NRIP2: variants seen among roughly 807,000 people sequenced by gnomAD.
NRIP2 encodes nuclear receptor-interacting protein 2.
A neutral mutation model predicts 34.1 loss-of-function variants in NRIP2; 27 were observed. That is an observed-to-expected ratio of 0.79 (90% CI 0.58 to 1.09). The LOEUF is 1.09. Among genes scored for constraint, NRIP2 ranks in the 50% least tolerant of loss-of-function variants. The pLI, the probability that NRIP2 is intolerant of heterozygous loss-of-function variation, is 0.00. For missense variants in NRIP2, 385 were observed against 352.6 expected (o/e 1.09, Z -0.74); for synonymous variants, 145 against 146.9 (o/e 0.99, Z 0.09).
Position 2,834,127 on chromosome 12 carries a change from A to G in NRIP2, c.342+515T>C, listed in dbSNP as rs531188539. 1.2e-3 allele frequency among the ~76,000 whole-genome samples: 181 copies of G among 152,330 alleles called. 2 individuals carry two copies. The highest frequency in any genetic ancestry group is 0.01 in the Middle Eastern group (3 of 294). On this transcript the variant is annotated intron_variant, in intron 1 of 5. Transcript: ENST00000337508. Reference sequence around the variant, plus strand: ...CTCAGGAGTTGGGGGAGCAGCACTCAAGGCGGCCAGGGGCCCCCGGCAAGA... The same window carrying G: ...CTCAGGAGTTGGGGGAGCAGCACTCGAGGCGGCCAGGGGCCCCCGGCAAGA...
In NRIP2 at chr12:2,827,877, A is replaced by T. The variant is rs957090523; in HGVS notation, c.700+49T>A. On this transcript the variant is annotated intron_variant, in intron 4 of 5. Coordinates refer to ENST00000337508, the MANE Select transcript of NRIP2 (RefSeq NM_031474.3). This position sits in a 1 kb window ranked among gnomAD's most constrained non-coding sequence, Gnocchi z 4.0. ...AGTCTCAGCCTTTGCCCCACCCCAA[A>T]GAGAAAGGTGAGGTGAGCACCAGGG... The T allele has an allele frequency of 6.2e-7, 1 of 1,612,540 alleles. No homozygotes were observed. The highest frequency in any genetic ancestry group is 8.5e-7 in the Non-Finnish European group (1 of 1,179,876).
intron 1 of NRIP2, among the ~76,000 whole-genome samples, chr12:2,831,886 A>G (rs2098005032): frequency 6.6e-6 from 1 of 152,120 alleles, no homozygotes; most frequent in Non-Finnish European, 1.5e-5. Context: ...CATATGCCAC[A>G]GTACCTGGCC....
Position 2,830,737 on chromosome 12 carries a change from C to A in NRIP2, c.466G>T (p.Glu156Ter). The A allele has an allele frequency of 1.1e-5, 17 of 1,613,490 alleles. No homozygotes were observed. Among genetic ancestry groups the A allele is most frequent in the Non-Finnish European group, 1.4e-5 (17 of 1,179,732 alleles). The change falls in exon 2 of 6, where the codon GAG (glutamate) becomes TAG (stop). Residue 156 changes from glutamate (E) to a stop codon, truncating the protein, a stop_gained. Coordinates refer to ENST00000337508, the MANE Select transcript of NRIP2 (RefSeq NM_031474.3). LOFTEE classifies it high-confidence loss of function. ...QESRRKTSRT[E>*]IPALLVNCKC... ...CAGTTGACCAGAAGAGCTGGAATCTCTGTCCTGCTGGTCTTCCTCCTGCTC... is the reference window on the plus strand; with the variant it reads ...CAGTTGACCAGAAGAGCTGGAATCTATGTCCTGCTGGTCTTCCTCCTGCTC...
Position 2,834,954 on chromosome 12 carries a change from C to T in NRIP2, c.30G>A (p.Pro10=), listed in dbSNP as rs542894547. The part of the protein sequence containing the change: MLFIFPLSL[P]WRPSCWKESC... ...TCTCTTTCCAACAGGAGGGTCTCCA[C>T]GGGAGGGAAAGAGGAAAAATAAATA... Residue 10 remains proline, a synonymous_variant, in exon 1 of 6, where the codon CCG becomes CCA. Transcript: ENST00000337508. 43 of 1,590,386 alleles carry T rather than the reference C, an allele frequency of 2.7e-5. No homozygotes were observed. Among genetic ancestry groups the T allele is most frequent in the South Asian group, 9.0e-5 (8 of 88,456 alleles).
At chr12:2,829,046 A>C (rs1035554679) in intron 2 of NRIP2, among the ~76,000 whole-genome samples, 1 of 152,112 alleles carries the variant, frequency 6.6e-6, no homozygotes, top group African/African-American at 2.4e-5. Flanking sequence ...CAAAAAATAA[A>C]ATGGAAAAAA....
intron 1 of NRIP2, among the ~76,000 whole-genome samples, chr12:2,832,961 C>T: frequency 6.6e-6 from 1 of 151,892 alleles, no homozygotes; most frequent in East Asian, 1.9e-4. Flanking sequence ...GAGAGACTGG[C>T]TCTGCACTTC....
rs770140984 is a variant in NRIP2 at position 2,827,939 on chromosome 12, C to T, written c.687G>A (p.Ser229=). 3.8e-5 allele frequency: 62 copies of T among 1,613,982 alleles called. No individual in the cohort carries two copies. Among genetic ancestry groups the T allele is most frequent in the Admixed American group, 3.7e-4 (22 of 60,010 alleles). Residue 229 remains serine (S), a synonymous_variant, in exon 4 of 6, where the codon TCG becomes TCA. Transcript: ENST00000337508. This position sits in a 1 kb window ranked among gnomAD's most constrained non-coding sequence, Gnocchi z 4.0. Reference sequence around the variant, plus strand: ...GGGGGGACTTACCCACCACCTGTGCCGAGCACACCACAGTCTCCTGCCCCA... The same window carrying T: ...GGGGGGACTTACCCACCACCTGTGCTGAGCACACCACAGTCTCCTGCCCCA... ...LQLGQETVVC[S]AQVVDAESPE...
Position 2,834,921 on chromosome 12 carries a change from G to T in NRIP2, c.63C>A (p.Ser21Arg). ...WRPSCWKESC[S>R]TGQRQAGRSR... ...TTCTTCCTGCCTGTCTCTGTCCCGT[G>T]CTGCAGCTCTCTTTCCAACAGGAGG... Residue 21 changes from serine to arginine, a missense_variant, in exon 1 of 6, where the codon AGC becomes AGA. Coordinates refer to ENST00000337508, the MANE Select transcript of NRIP2 (RefSeq NM_031474.3). 6.2e-7 allele frequency: 1 copy of T among 1,612,622 alleles called. No individual in the cohort carries two copies.
At position 2,830,798 on chromosome 12, in the gene NRIP2, C is replaced by T; in HGVS notation, c.405G>A (p.Glu135=). 3.1e-6 allele frequency: 5 copies of T among 1,613,876 alleles called. No individual in the cohort carries two copies. Among genetic ancestry groups the T allele is most frequent in the Non-Finnish European group, 4.2e-6 (5 of 1,179,896 alleles). The change falls in exon 2 of 6, where the codon GAG becomes GAA. Residue 135 remains glutamate (E), a synonymous_variant. Transcript: ENST00000337508. ...GAATCAGGTCCTGCATCCGGGGAGG[C>T]TCCCCCTGAAGCCAATTCGGGTTTC... ...VEGNPNWLQG[E]PPRMQDLIHG...
In NRIP2 at chr12:2,826,581, T is replaced by A. The variant is rs1239473687; in HGVS notation, c.*626A>T. On this transcript the variant is annotated 3_prime_UTR_variant, in exon 6 of 6. Transcript: ENST00000337508. ...AATCAAACTAACTGGCTTCAGACAT[T>A]TGCAGCCACAGGAAAAAATAGCTCT... The A allele has an allele frequency of 3.3e-5, 5 of 152,706 alleles. No homozygotes were observed. Among genetic ancestry groups the A allele is most frequent in the African/African-American group, 1.2e-4 (5 of 41,418 alleles). 9.5% of individuals were successfully genotyped at this position (152,706 alleles called of 1,614,324 possible).
intron 2 of NRIP2, 125 bp downstream of exon 2, chr12:2,830,583 G>T: frequency 9.4e-7 from 1 of 1,062,028 alleles, no homozygotes; most frequent in Non-Finnish European, 1.4e-6. Context: ...TTAGGTCCAG[G>T]CTAGGGAGAG....
intron 2 of NRIP2, among the ~76,000 whole-genome samples, chr12:2,830,021 GAC>G (rs1195254448): frequency 2.6e-5 from 4 of 151,650 alleles, no homozygotes; most frequent in African/African-American, 7.3e-5. Flanking sequence ...AGGCTGCAGT[GAC>G]ACAAGATCAT....
At chr12:2,828,200 C>T in intron 3 of NRIP2, 132 bp downstream of exon 3, 1 of 1,142,872 alleles carries the variant, frequency 8.7e-7, no homozygotes, top group Non-Finnish European at 1.3e-6. Flanking sequence ...AGTCTTCTAG[C>T]CACTCTTTTG....
intron 1 of NRIP2, among the ~76,000 whole-genome samples, chr12:2,834,248 G>T (rs1193115694): frequency 6.6e-6 from 1 of 152,170 alleles, no homozygotes; most frequent in Non-Finnish European, 1.5e-5. Context: ...CTGGTCTGGG[G>T]AACCTGTGGT....
chr12:2,832,351 T>C (rs942072588), intron 1 of NRIP2, among the ~76,000 whole-genome samples: 2 of 151,960 alleles, frequency 1.3e-5, no homozygotes, highest in African/African-American at 4.8e-5. Context: ...TGCCACTCTG[T>C]TTATGGGCCC....
chr12:2,826,362 G>A lies in NRIP2; in HGVS notation c.*845C>T, dbSNP rs1223332055. On this transcript the variant is annotated 3_prime_UTR_variant, in exon 6 of 6. Transcript: ENST00000337508. ...GGTGGATAGTTCTAGAAATCAGAAA[G>A]AATGCTGAATAGGTGAAGTCTGAGT... 1.3e-5 allele frequency: 2 copies of A among 152,188 alleles called. No homozygotes were observed. The highest frequency in any genetic ancestry group is 4.8e-5 in the African/African-American group (2 of 41,446). The allele number at this position is 152,188 out of a possible 1,614,324, so 9.4% of individuals were successfully genotyped here.
Position 2,831,497 on chromosome 12 carries a change from T to A in NRIP2, c.343-637A>T, listed in dbSNP as rs1011081232. On this transcript the variant is annotated intron_variant, in intron 1 of 5. Coordinates refer to ENST00000337508, the MANE Select transcript of NRIP2 (RefSeq NM_031474.3). ...TACTCGGGAGGCTGAAGTGTGATAG[T>A]CACCTGAACCTAGAAGGCAGAGGTT... is the stretch of plus-strand genomic sequence containing the variant. Among the ~76,000 whole-genome samples, 6 of 151,982 alleles carry A rather than the reference T, an allele frequency of 3.9e-5. No individual in the cohort carries two copies. In the East Asian group the frequency reaches 9.7e-4, roughly 25 times the overall value.
At position 2,834,870 on chromosome 12, in the gene NRIP2, TG is replaced by T; in HGVS notation, c.113del (p.Pro38HisfsTer14). ...GAGGAGTGGGCCAGGGGCTGCTCGG[TG>T]GGGGCGTCACCGAGTCCTCTCTGCT... is the stretch of plus-strand genomic sequence containing the variant. ...GRSREDSVTP[P>X]PSSPWPTPPA... On this transcript the variant is annotated frameshift_variant, in exon 1 of 6. Transcript: ENST00000337508. LOFTEE classifies it high-confidence loss of function. The T allele has an allele frequency of 1.2e-6, 2 of 1,613,444 alleles. No homozygotes were observed. The highest frequency in any genetic ancestry group is 1.7e-6 in the Non-Finnish European group (2 of 1,179,876).
Position 2,834,701 on chromosome 12 carries a change from C to T in NRIP2, c.283G>A (p.Asp95Asn). 4 of 1,613,940 alleles carry T rather than the reference C, an allele frequency of 2.5e-6. No homozygotes were observed. Among genetic ancestry groups the T allele is most frequent in the Non-Finnish European group, 3.4e-6 (4 of 1,179,958 alleles). The change falls in exon 1 of 6, where the codon GAC becomes AAC. Residue 95 changes from aspartate to asparagine, a missense_variant. Coordinates refer to ENST00000337508, the MANE Select transcript of NRIP2 (RefSeq NM_031474.3). The stretch of plus-strand genomic sequence containing the variant: ...TCCAGCGGGAGCAGGTCGGCCGAGT[C>T]CTTGTGCAGGAACTGGGTGGCCTGT... ...LKQATQFLHKDSADLLPLDSL... is the reference protein window; with the variant it reads ...LKQATQFLHKNSADLLPLDSL...
Sources: gnomAD v4.1 joint callset for allele counts (sites outside exome capture counted in the v4.1 genomes callset) on GRCh38, gnomAD v4.1.1 for gene constraint, Gnocchi (gnomAD v3.1) non-coding constraint, MANE v1.5 for transcripts, NCBI Gene and HGNC (gene_info 2026-07-23, HGNC 2026-07-21) for gene names.